CADM2: variants seen among roughly 807,000 people sequenced by gnomAD.
CADM2 encodes the protein cell adhesion molecule 2.
Under a neutral mutation model 49.8 loss-of-function variants are expected in CADM2, and 12 were observed. The observed-to-expected ratio is 0.24, with a 90% CI of 0.15 to 0.39. The LOEUF is 0.39. Ranked by LOEUF, CADM2 falls within the 10% of genes least tolerant of loss-of-function variation. CADM2 has a pLI of 1.00. For missense variants in CADM2, 378 were observed against 492.3 expected (o/e 0.77, Z 2.20); for synonymous variants, 214 against 175.4 (o/e 1.22, Z -1.74).
chr3:85,805,252 CTTTACTTAAT>C (rs1342166356), intron 3 of CADM2, among the ~76,000 whole-genome samples: 1 of 152,088 alleles, frequency 6.6e-6, no homozygotes, highest in Non-Finnish European at 1.5e-5. Flanking sequence ...CCAGGACTGA[CTTTACTTAAT>C]TTTCCGTTCC....
chr3:85,985,159 A>G (rs1168465830), intron 8 of CADM2, among the ~76,000 whole-genome samples: 2 of 151,922 alleles, frequency 1.3e-5, no homozygotes, highest in African/African-American at 4.8e-5. Flanking sequence ...AAAGTTCTGG[A>G]GGCTGGGAAA....
chr3:85,033,728 A>G (rs985057920), intron 1 of CADM2, among the ~76,000 whole-genome samples: 11 of 152,202 alleles, frequency 7.2e-5, no homozygotes, highest in Non-Finnish European at 1.3e-4. Flanking sequence ...ACCAATTAAA[A>G]GTTTCTGAAT....
At chr3:86,021,436 C>A (rs1450932564) in intron 8 of CADM2, among the ~76,000 whole-genome samples, 1 of 152,124 alleles carries the variant, frequency 6.6e-6, no homozygotes, top group Non-Finnish European at 1.5e-5. Flanking sequence ...GATAGAAATT[C>A]ATTAGTGTAG....
chr3:85,304,790 A>G (rs2044176460), intron 1 of CADM2, among the ~76,000 whole-genome samples: 1 of 151,704 alleles, frequency 6.6e-6, no homozygotes, highest in South Asian at 2.1e-4. Context: ...CAGTTCACAT[A>G]TATTACTATT....
intron 3 of CADM2, among the ~76,000 whole-genome samples, chr3:85,825,346 G>C (rs77964145): frequency 0.04 from 6,079 of 152,038 alleles, 256 homozygotes; most frequent in East Asian, 0.19. Context: ...AAGGTGAGGA[G>C]GTATTACTTA....
chr3:85,640,114 C>G (rs1004110681), intron 1 of CADM2, among the ~76,000 whole-genome samples: 2 of 152,174 alleles, frequency 1.3e-5, no homozygotes, highest in African/African-American at 4.8e-5. Flanking sequence ...ATTCTGTGGT[C>G]TCCTGCCTCT....
chr3:85,824,940 C>G (rs1183901430), intron 3 of CADM2, among the ~76,000 whole-genome samples: 1 of 151,886 alleles, frequency 6.6e-6, no homozygotes, highest in Non-Finnish European at 1.5e-5. Flanking sequence ...CCAATGATGA[C>G]TTAGTTCTCA....
In CADM2 at chr3:85,077,349, AT is replaced by A. The variant is rs200443902; in HGVS notation, c.61+117689del. On this transcript the variant is annotated intron_variant, in intron 1 of 9. Coordinates refer to ENST00000383699, the MANE Select transcript of CADM2 (RefSeq NM_001167675.2). ...GTGATACTTATGAGGCAATGCTTTTATTTTTTTTCTTATTGTCATAAAATAC... is the reference window on the plus strand; with the variant it reads ...GTGATACTTATGAGGCAATGCTTTTATTTTTTTCTTATTGTCATAAAATAC... Among the ~76,000 whole-genome samples the A allele has an allele frequency of 7.8e-3, 1,181 of 151,918 alleles. 13 individuals are homozygous for A. The highest frequency in any genetic ancestry group is 0.014 in the Middle Eastern group (4 of 294).
intron 1 of CADM2, among the ~76,000 whole-genome samples, chr3:85,195,455 A>G (rs1195070191): frequency 7.9e-5 from 12 of 151,940 alleles, no homozygotes; most frequent in Admixed American, 6.6e-4. Context: ...CATGTAAGCT[A>G]TGACCTCACC....
chr3:85,153,102 C>A (rs2107650003), intron 1 of CADM2, among the ~76,000 whole-genome samples: 2 of 152,188 alleles, frequency 1.3e-5, no homozygotes, highest in South Asian at 2.1e-4. Flanking sequence ...CAAATAGGAA[C>A]AGCTCCAGTC....
intron 5 of CADM2, among the ~76,000 whole-genome samples, chr3:85,901,476 G>A (rs747239131): frequency 1.3e-5 from 2 of 152,090 alleles, no homozygotes; most frequent in Non-Finnish European, 2.9e-5. Flanking sequence ...GCTGAAAGTA[G>A]TCATTATATA....
At chr3:85,563,409 T>TGG (rs1174282081) in intron 1 of CADM2, among the ~76,000 whole-genome samples, 1 of 81,376 alleles carries the variant, frequency 1.2e-5, no homozygotes, top group Non-Finnish European at 3.3e-5. Flanking sequence ...TTTGTGTGTG[T>TGG]GTGGGGGGGT....
intron 1 of CADM2, among the ~76,000 whole-genome samples, chr3:85,368,845 T>C (rs2032991956): frequency 6.6e-6 from 1 of 152,084 alleles, no homozygotes; most frequent in South Asian, 2.1e-4. Context: ...TGTACCCTGT[T>C]CTGTCTCATT....
chr3:85,852,348 G>GT (rs1243983487), intron 3 of CADM2, among the ~76,000 whole-genome samples: 3 of 151,944 alleles, frequency 2.0e-5, no homozygotes, highest in South Asian at 2.1e-4. Flanking sequence ...GTGTATATTT[G>GT]TTTTTTTCTC....
chr3:86,049,281 A>ATT (rs1307469667), intron 8 of CADM2, among the ~76,000 whole-genome samples: 1 of 145,010 alleles, frequency 6.9e-6, no homozygotes, highest in African/African-American at 2.5e-5. Flanking sequence ...TTTATTTTTT[A>ATT]TTTTTTTTTT....
intron 1 of CADM2, among the ~76,000 whole-genome samples, chr3:85,218,515 A>T (rs746326525): frequency 6.6e-6 from 1 of 152,134 alleles, no homozygotes; most frequent in Non-Finnish European, 1.5e-5. Flanking sequence ...GAGCATAGGG[A>T]GGTAAAGTGT....
At chr3:85,648,998 C>G (rs1388916500) in intron 1 of CADM2, among the ~76,000 whole-genome samples, 2 of 151,970 alleles carry the variant, frequency 1.3e-5, no homozygotes, top group African/African-American at 4.8e-5. Flanking sequence ...GTAAATTCCT[C>G]TTGTGCTCTA....
At chr3:85,710,342 T>C (rs1341148355) in intron 1 of CADM2, among the ~76,000 whole-genome samples, 3 of 152,176 alleles carry the variant, frequency 2.0e-5, no homozygotes, top group Non-Finnish European at 2.9e-5. Flanking sequence ...GTTACACTTA[T>C]GTTCTATTTA....
intron 1 of CADM2, among the ~76,000 whole-genome samples, chr3:85,600,427 G>C (rs2063358172): frequency 6.6e-6 from 1 of 151,876 alleles, no homozygotes; most frequent in African/African-American, 2.4e-5. Flanking sequence ...GTAACATGCT[G>C]TATGAATTAG....
Sources: allele counts gnomAD v4.1 joint callset (sites outside exome capture counted in the v4.1 genomes callset), GRCh38; gene constraint gnomAD v4.1.1; transcripts MANE v1.5; gene names NCBI Gene and HGNC (gene_info 2026-07-23, HGNC 2026-07-21).